The following BEND5 variants were observed in gnomAD, a reference collection of about 807,000 sequenced individuals.
BEND5 encodes the protein BEN domain-containing protein 5.
In BEND5, 22 loss-of-function variants were observed where a neutral mutation model predicts 43.9. The ratio of observed to expected loss-of-function variants is 0.50; its 90% CI spans 0.36 to 0.72. The LOEUF (loss-of-function observed/expected upper bound fraction) is 0.72, where lower values mean the gene tolerates loss of function less well. Among genes scored for constraint, BEND5 ranks in the 30% least tolerant of loss-of-function variants. BEND5 has a pLI of 0.00. For synonymous variants in BEND5, 228 were observed against 225.9 expected (o/e 1.01, Z -0.08); for missense variants, 428 against 550.6 (o/e 0.78, Z 2.23).
At chr1:48,728,178 T>A in intron 5 of BEND5, 135 bp from the exon 6 acceptor site, 1 of 753,210 alleles carries the variant, frequency 1.3e-6, no homozygotes, top group Non-Finnish European at 2.1e-6. Flanking sequence ...AGCTATATTT[T>A]AAAATTTGCA....
intron 5 of BEND5, among the ~76,000 whole-genome samples, chr1:48,735,813 C>T (rs1648950155): frequency 6.6e-6 from 1 of 152,000 alleles, no homozygotes; most frequent in Non-Finnish European, 1.5e-5. Context: ...CCTTTCCCAT[C>T]TCCATGCCTT....
intron 4 of BEND5, among the ~76,000 whole-genome samples, chr1:48,740,347 TC>T (rs1218310985): frequency 6.6e-6 from 1 of 152,238 alleles, no homozygotes; most frequent in Non-Finnish European, 1.5e-5. Context: ...CCTGCCTGCC[TC>T]TAACCTGTTA....
At chr1:48,742,340 T>C (rs1650039697) in intron 4 of BEND5, among the ~76,000 whole-genome samples, 1 of 152,194 alleles carries the variant, frequency 6.6e-6, no homozygotes, top group African/African-American at 2.4e-5. Context: ...GAAATATCTT[T>C]GTCACTAGTA....
At chr1:48,765,593 C>A (rs534989947) in intron 1 of BEND5, among the ~76,000 whole-genome samples, 2 of 152,146 alleles carry the variant, frequency 1.3e-5, no homozygotes, top group South Asian at 4.1e-4. Flanking sequence ...AAAACATATA[C>A]CCAAACAAAA....
At chr1:48,738,470 G>T (rs1481834480) in intron 4 of BEND5, among the ~76,000 whole-genome samples, 1 of 152,176 alleles carries the variant, frequency 6.6e-6, no homozygotes, top group Non-Finnish European at 1.5e-5. Context: ...TCCGCAGTTC[G>T]AACTGCAGGT....
chr1:48,776,826 G>T lies in BEND5; in HGVS notation c.6C>A (p.Tyr2Ter). The change falls in exon 1 of 6, where the codon TAC (tyrosine) becomes TAA (stop). Residue 2 changes from tyrosine (Y) to a stop codon, truncating the protein, a stop_gained. Transcript: ENST00000371833. LOFTEE classifies it high-confidence loss of function. ...TGTCCTCCAGGAACCGCACAAAGGC[G>T]TACATGGTGGGCGCCGGGGGCGGGC... M[Y>*]AFVRFLEDNV... The T allele has an allele frequency of 1.3e-6, 2 of 1,503,794 alleles. No homozygotes were observed. The highest frequency in any genetic ancestry group is 2.5e-5 in the South Asian group (2 of 78,686). The allele number at this position is 1,503,794 out of a possible 1,614,324, so 93.2% of individuals were successfully genotyped here.
intron 4 of BEND5, among the ~76,000 whole-genome samples, chr1:48,737,270 C>T (rs763004811): frequency 1.3e-5 from 2 of 151,520 alleles, no homozygotes; most frequent in Non-Finnish European, 2.9e-5. Context: ...GGAGACAGAG[C>T]GAGACTCCGT....
intron 1 of BEND5, among the ~76,000 whole-genome samples, chr1:48,765,971 T>C (rs557715072): frequency 1.8e-4 from 27 of 152,274 alleles, no homozygotes; most frequent in African/African-American, 6.5e-4. Context: ...TTTTGGGTGA[T>C]AAAAACGTTC....
At chr1:48,748,554 C>T (rs554378255) in intron 3 of BEND5, among the ~76,000 whole-genome samples, 16 of 152,252 alleles carry the variant, frequency 1.1e-4, no homozygotes, top group East Asian at 3.9e-4. Flanking sequence ...TTCATAAGGA[C>T]GGTCACCAAC....
chr1:48,744,306 A>G (rs757336843), intron 3 of BEND5, among the ~76,000 whole-genome samples: 2 of 152,236 alleles, frequency 1.3e-5, no homozygotes, highest in Non-Finnish European at 2.9e-5. Flanking sequence ...GAGTAATTCT[A>G]AAGTTTCAGA....
chr1:48,728,886 C>G, intron 5 of BEND5, among the ~76,000 whole-genome samples: 1 of 152,302 alleles, frequency 6.6e-6, no homozygotes, highest in African/African-American at 2.4e-5. Context: ...TTCTGACAAC[C>G]TGGTGGGTGT....
At position 48,761,447 on chromosome 1, in the gene BEND5, T is replaced by C; in HGVS notation, c.250A>G (p.Ser84Gly). 1 of 1,551,210 alleles carries C rather than the reference T, an allele frequency of 6.4e-7. No individual in the cohort carries two copies. Among genetic ancestry groups the C allele is most frequent in the Non-Finnish European group, 8.7e-7 (1 of 1,146,910 alleles). Residue 84 changes from serine to glycine, a missense_variant, in exon 2 of 6, where the codon AGT becomes GGT. This residue lies in a region of BEND5 where 243 missense variants were observed against 286.4 expected (regional missense o/e 0.85). Coordinates refer to ENST00000371833, the MANE Select transcript of BEND5 (RefSeq NM_024603.4). ...LAEDKSDLENSVMQKKIKIPK... is the reference protein window; with the variant it reads ...LAEDKSDLENGVMQKKIKIPK... ...ATTTTTATTTTCTTCTGCATCACAC[T>C]GTTTTCAAGGTCAGATTTGTCTTCT...
intron 3 of BEND5, among the ~76,000 whole-genome samples, chr1:48,750,339 G>A (rs1651492977): frequency 6.6e-6 from 1 of 152,088 alleles, no homozygotes; most frequent in Non-Finnish European, 1.5e-5. Context: ...GCACTTCACT[G>A]TGCCGTCCAA....
intron 4 of BEND5, among the ~76,000 whole-genome samples, chr1:48,738,834 A>C (rs1219279786): frequency 6.6e-6 from 1 of 152,146 alleles, no homozygotes; most frequent in Non-Finnish European, 1.5e-5. Context: ...ACGTACAATG[A>C]ACCAGGTATT....
At chr1:48,757,669 T>C (rs1459863745) in intron 3 of BEND5, among the ~76,000 whole-genome samples, 2 of 152,228 alleles carry the variant, frequency 1.3e-5, no homozygotes, top group Non-Finnish European at 2.9e-5. Context: ...CTTGGGGATA[T>C]ACTTTAAGAA....
At chr1:48,776,553 G>T (rs1386025094) in intron 1 of BEND5, 53 bp downstream of exon 1, 2 of 680,178 alleles carry the variant, frequency 2.9e-6, no homozygotes, top group African/African-American at 2.0e-5. Context: ...GGCCCCTCCC[G>T]GGGTCCCAGC....
chr1:48,767,107 G>A (rs1424328549), intron 1 of BEND5, among the ~76,000 whole-genome samples: 1 of 152,224 alleles, frequency 6.6e-6, no homozygotes, highest in Non-Finnish European at 1.5e-5. Flanking sequence ...ATGGTTGGGA[G>A]AGGGTGGCCC....
chr1:48,745,453 G>A (rs1029413017), intron 3 of BEND5, among the ~76,000 whole-genome samples: 1 of 152,156 alleles, frequency 6.6e-6, no homozygotes, highest in South Asian at 2.1e-4. Flanking sequence ...ATCAGAGGGA[G>A]CAGGGGTTGA....
rs577504287 is a variant in BEND5, at chr1:48,729,753, AG to A, written c.1109-1711del. On this transcript the variant is annotated intron_variant, in intron 5 of 5. Coordinates refer to ENST00000371833, the MANE Select transcript of BEND5 (RefSeq NM_024603.4). Reference sequence around the variant, plus strand: ...ACCTGCTATAAGCATTCTTTCTCTGAGGCACCCTTTTCTTTCCACCGAGAAG... The same window carrying A: ...ACCTGCTATAAGCATTCTTTCTCTGAGCACCCTTTTCTTTCCACCGAGAAG... 1.3e-4 allele frequency among the ~76,000 whole-genome samples: 19 copies of A among 150,860 alleles called. No homozygotes were observed. The South Asian group carries it at 3.8e-3, about 30-fold the overall frequency.
Sources: allele counts gnomAD v4.1 joint callset (sites outside exome capture counted in the v4.1 genomes callset), GRCh38; gene constraint gnomAD v4.1.1; regional missense constraint gnomAD v4.1.1; transcripts MANE v1.5; gene names NCBI Gene and HGNC (gene_info 2026-07-23, HGNC 2026-07-21).